Variants in ASTN2 observed in about 807,000 individuals in gnomAD.
The protein encoded by ASTN2 is astrotactin-2.
Under a neutral mutation model 139.8 loss-of-function variants are expected in ASTN2, and 54 were observed. The ratio of observed to expected loss-of-function variants is 0.39; its 90% CI spans 0.31 to 0.48. ASTN2 has a LOEUF of 0.48. ASTN2 is among the 20% of genes least tolerant of loss of function. ASTN2 has a pLI of 0.95. For missense variants in ASTN2, 1,565 were observed against 1,725.1 expected (o/e 0.91, Z 1.64); for synonymous variants, 756 against 719.5 (o/e 1.05, Z -0.81).
intron 11 of ASTN2, among the ~76,000 whole-genome samples, chr9:116,843,588 G>T (rs1832336412): frequency 6.6e-6 from 1 of 151,270 alleles, no homozygotes; most frequent in Non-Finnish European, 1.5e-5. Flanking sequence ...GAACTCGGGA[G>T]GCAGATGTTG....
chr9:116,782,873 C>T (rs1830257397), intron 13 of ASTN2, among the ~76,000 whole-genome samples: 1 of 152,192 alleles, frequency 6.6e-6, no homozygotes, highest in Non-Finnish European at 1.5e-5. Flanking sequence ...TGGGCTTGCC[C>T]TGGTAGCACT....
At chr9:116,710,380 T>A (rs10759852) in intron 16 of ASTN2, among the ~76,000 whole-genome samples, 60,247 of 151,896 alleles carry the variant, frequency 0.4, 14,612 homozygotes, top group African/African-American at 0.68. Flanking sequence ...CCACTACTTC[T>A]GAGTGACAAC....
At chr9:116,778,877 A>G (rs1222171689) in intron 13 of ASTN2, among the ~76,000 whole-genome samples, 10 of 152,166 alleles carry the variant, frequency 6.6e-5, no homozygotes, top group African/African-American at 2.4e-4. Flanking sequence ...GTGAATGCCA[A>G]TGGAAGGAGT....
At chr9:117,311,890 G>A (rs1424617542) in intron 1 of ASTN2, among the ~76,000 whole-genome samples, 1 of 151,978 alleles carries the variant, frequency 6.6e-6, no homozygotes, top group Non-Finnish European at 1.5e-5. Context: ...TTCCTAATTT[G>A]CCTCAGGAAG....
At position 117,345,816 on chromosome 9, in the gene ASTN2, T is replaced by C. The variant is rs528641105; in HGVS notation, c.443-54303A>G. ...ATACACTTCCCTAGTCCACTTTCTT[T>C]AACCTTTTAACTTCTTTTTCTCTTC... is the stretch of plus-strand genomic sequence containing the variant. On this transcript the variant is annotated intron_variant, in intron 1 of 22. Coordinates refer to ENST00000313400, the MANE Select transcript of ASTN2 (RefSeq NM_001365068.1). Among the ~76,000 whole-genome samples, 32 of 152,188 alleles carry C rather than the reference T, an allele frequency of 2.1e-4. No individual in the cohort carries two copies. In the South Asian group the frequency reaches 4.6e-3, roughly 22 times the overall value.
intron 12 of ASTN2, among the ~76,000 whole-genome samples, chr9:116,813,807 G>C (rs1043654432): frequency 6.6e-6 from 1 of 152,020 alleles, no homozygotes; most frequent in Non-Finnish European, 1.5e-5. Flanking sequence ...GGCTGAGACT[G>C]GCGGATCACC....
At chr9:116,551,576 C>G (rs897090962) in intron 19 of ASTN2, among the ~76,000 whole-genome samples, 2 of 152,160 alleles carry the variant, frequency 1.3e-5, no homozygotes, top group Non-Finnish European at 2.9e-5. Flanking sequence ...TCCAATCTTT[C>G]CCATTTGGGG....
chr9:116,984,506 G>A lies in ASTN2; in HGVS notation c.1592-7721C>T, dbSNP rs144381881. ...AAGAGCAGGGTCACTTGAGACCAAC[G>A]TTCAGACCCTTTGAAGCTTCTTTCA... On this transcript the variant is annotated intron_variant, in intron 7 of 22. Transcript: ENST00000313400. 8.5e-5 allele frequency among the ~76,000 whole-genome samples: 13 copies of A among 152,184 alleles called. No homozygotes were observed. The East Asian group carries it at 2.3e-3, about 27-fold the overall frequency.
chr9:117,177,714 A>T (rs1051759001), intron 3 of ASTN2, among the ~76,000 whole-genome samples: 2 of 152,222 alleles, frequency 1.3e-5, no homozygotes, highest in African/African-American at 4.8e-5. Context: ...TAATATAATT[A>T]ACATAGTAGG....
rs571249763 is a variant in ASTN2, at chr9:117,011,128, T to C, written c.1424-2869A>G. 9.2e-5 allele frequency among the ~76,000 whole-genome samples: 14 copies of C among 152,322 alleles called. No homozygotes were observed. The South Asian group carries it at 1.5e-3, about 16-fold the overall frequency. ...AGCTATTTTGGTTATTATTTTGAAT[T>C]CTTATGAACTTAGAAGCTCTAAATG... On this transcript the variant is annotated intron_variant, in intron 6 of 22. Coordinates refer to ENST00000313400, the MANE Select transcript of ASTN2 (RefSeq NM_001365068.1).
chr9:117,178,631 G>C (rs191279685), intron 3 of ASTN2, among the ~76,000 whole-genome samples: 2 of 152,182 alleles, frequency 1.3e-5, no homozygotes, highest in African/African-American at 4.8e-5. Context: ...AAAGTTCTAG[G>C]ATCTCTGCTG....
intron 16 of ASTN2, among the ~76,000 whole-genome samples, chr9:116,668,202 T>C (rs2131979472): frequency 6.6e-6 from 1 of 151,888 alleles, no homozygotes; most frequent in East Asian, 1.9e-4. Context: ...TGGCTTTTTT[T>C]TTTTTTTTTG....
intron 6 of ASTN2, among the ~76,000 whole-genome samples, chr9:117,032,945 C>A (rs1424924634): frequency 2.6e-5 from 4 of 152,036 alleles, no homozygotes; most frequent in Admixed American, 2.0e-4. Context: ...TTAAAATAAC[C>A]TGAATAAAAA....
intron 17 of ASTN2, among the ~76,000 whole-genome samples, chr9:116,626,606 T>C (rs889565389): frequency 6.6e-6 from 1 of 151,862 alleles, no homozygotes; most frequent in Non-Finnish European, 1.5e-5. Flanking sequence ...TTGGAGACAA[T>C]TGTGATCACA....
At chr9:117,185,166 G>A (rs1365157021) in intron 3 of ASTN2, among the ~76,000 whole-genome samples, 1 of 152,152 alleles carries the variant, frequency 6.6e-6, no homozygotes, top group African/African-American at 2.4e-5. Context: ...TAAACATTTT[G>A]ATAAGCTAAA....
intron 6 of ASTN2, among the ~76,000 whole-genome samples, chr9:117,023,794 CTAAT>C (rs1310327195): frequency 6.6e-6 from 1 of 152,114 alleles, no homozygotes; most frequent in Non-Finnish European, 1.5e-5. Context: ...TCATAAGGAT[CTAAT>C]ATTATATGGA....
chr9:116,426,066 G>T lies in ASTN2; in HGVS notation c.3805C>A (p.Arg1269=), dbSNP rs1588045658. The T allele has an allele frequency of 6.2e-7, 1 of 1,613,532 alleles. No individual in the cohort carries two copies. Among genetic ancestry groups the T allele is most frequent in the African/African-American group, 1.3e-5 (1 of 75,030 alleles). Residue 1269 remains arginine, a synonymous_variant, in exon 23 of 23, where the codon CGA becomes AGA. Transcript: ENST00000313400. ...GPRKAHLILR[R]LERVSSHCSS... ...CAGTGGCTACTCACCCTCTCCAGTCGCCGTAGAATCAGGTGGGCCTTCCTG... is the reference window on the plus strand; with the variant it reads ...CAGTGGCTACTCACCCTCTCCAGTCTCCGTAGAATCAGGTGGGCCTTCCTG...
intron 13 of ASTN2, among the ~76,000 whole-genome samples, chr9:116,749,983 C>A (rs1466456128): frequency 6.6e-6 from 1 of 152,152 alleles, no homozygotes; most frequent in Non-Finnish European, 1.5e-5. Flanking sequence ...CTAATTATTC[C>A]TCCTTTCTTT....
At chr9:117,037,808 C>T (rs1455872354) in intron 6 of ASTN2, among the ~76,000 whole-genome samples, 2 of 152,106 alleles carry the variant, frequency 1.3e-5, no homozygotes, top group African/African-American at 4.8e-5. Context: ...TCCTCCATTG[C>T]CATTTTCTGG....
Sources: allele counts gnomAD v4.1 joint callset (sites outside exome capture counted in the v4.1 genomes callset), GRCh38; gene constraint gnomAD v4.1.1; transcripts MANE v1.5; gene names NCBI Gene and HGNC (gene_info 2026-07-23, HGNC 2026-07-21).